MB21D2: variants seen among roughly 807,000 people sequenced by gnomAD.
MB21D2 encodes nucleotidyltransferase MB21D2.
Under a neutral mutation model 33.3 loss-of-function variants are expected in MB21D2, and 9 were observed. The observed-to-expected ratio is 0.27, with a 90% CI of 0.16 to 0.47. The LOEUF is 0.47. Ranked by LOEUF, MB21D2 falls within the 20% of genes least tolerant of loss-of-function variation. The probability of loss-of-function intolerance (pLI) is 0.99; values close to 1 mark genes in which losing one functional copy is unlikely to be tolerated. For synonymous variants in MB21D2, 241 were observed against 236.3 expected (o/e 1.02, Z -0.18); for missense variants, 540 against 624.6 (o/e 0.86, Z 1.44).
chr3:192,901,526 G>A (rs868828085), intron 1 of MB21D2, among the ~76,000 whole-genome samples: 77 of 146,740 alleles, frequency 5.2e-4, no homozygotes, highest in African/African-American at 1.9e-3. Context: ...TGAGCACCAG[G>A]ATCTCAAGCA....
intron 1 of MB21D2, among the ~76,000 whole-genome samples, chr3:192,838,600 T>G (rs1443831093): frequency 1.3e-5 from 2 of 152,046 alleles, no homozygotes; most frequent in Non-Finnish European, 2.9e-5. Context: ...AGCTACTTTT[T>G]TGTATTTTTA....
intron 1 of MB21D2, among the ~76,000 whole-genome samples, chr3:192,850,938 G>A (rs1256196689): frequency 6.6e-6 from 1 of 152,154 alleles, no homozygotes; most frequent in Non-Finnish European, 1.5e-5. Context: ...GAAGAGTAAG[G>A]TTAAGAGCAC....
chr3:192,833,639 A>C (rs1164487855), intron 1 of MB21D2, among the ~76,000 whole-genome samples: 2 of 152,192 alleles, frequency 1.3e-5, no homozygotes, highest in African/African-American at 4.8e-5. Flanking sequence ...AGCCTTACAG[A>C]GCAAGGAGAC....
At chr3:192,902,657 C>T (rs1714127305) in intron 1 of MB21D2, among the ~76,000 whole-genome samples, 1 of 152,160 alleles carries the variant, frequency 6.6e-6, no homozygotes, top group African/African-American at 2.4e-5. Flanking sequence ...CAGAAAGATT[C>T]CCACTAGCTT....
intron 1 of MB21D2, among the ~76,000 whole-genome samples, chr3:192,831,659 G>T (rs961255963): frequency 6.6e-6 from 1 of 152,070 alleles, no homozygotes; most frequent in African/African-American, 2.4e-5. Flanking sequence ...CTAGAATAGT[G>T]AAAAATATTC....
rs1487177182 is a variant in MB21D2 at position 192,799,650 on chromosome 3, C to A, written c.212G>T (p.Gly71Val). ...CTTTTGGTCCAGCTTTTGCACCATTCCTGGAAATAAAGAAGAAAAAAACAA... is the reference window on the plus strand; with the variant it reads ...CTTTTGGTCCAGCTTTTGCACCATTACTGGAAATAAAGAAGAAAAAAACAA... The part of the protein sequence containing the change: ...TAKDFIFSML[G>V]MVQKLDQKLP... Residue 71 changes from glycine (G) to valine (V), a missense_variant and splice_region_variant, in exon 2 of 2, where the codon GGA (glycine) becomes GTA (valine). Transcript: ENST00000392452. This position sits in a 1 kb window ranked among gnomAD's most constrained non-coding sequence, Gnocchi z 4.1. 6.2e-7 allele frequency: 1 copy of A among 1,608,788 alleles called. No homozygotes were observed. Among genetic ancestry groups the A allele is most frequent in the South Asian group, 1.1e-5 (1 of 90,504 alleles).
chr3:192,897,545 C>T (rs1714005682), intron 1 of MB21D2, among the ~76,000 whole-genome samples: 2 of 152,226 alleles, frequency 1.3e-5, no homozygotes, highest in African/African-American at 4.8e-5. Flanking sequence ...TAGGAAATCA[C>T]GTCTAGTTCT....
At chr3:192,875,017 A>AT (rs1235880501) in intron 1 of MB21D2, among the ~76,000 whole-genome samples, 5 of 150,640 alleles carry the variant, frequency 3.3e-5, no homozygotes, top group African/African-American at 1.2e-4. Context: ...GTCCCTATTA[A>AT]AAAAAAAACA....
At chr3:192,896,879 A>T (rs73066221) in intron 1 of MB21D2, among the ~76,000 whole-genome samples, 6,683 of 152,248 alleles carry the variant, frequency 0.044, 429 homozygotes, top group African/African-American at 0.14. Flanking sequence ...TAGGAGGAGC[A>T]AAGAGCATGG....
chr3:192,893,535 G>A (rs1713899828), intron 1 of MB21D2, among the ~76,000 whole-genome samples: 1 of 152,150 alleles, frequency 6.6e-6, no homozygotes, highest in African/African-American at 2.4e-5. Context: ...GACAGAAGAA[G>A]GCTGCCAACA....
At chr3:192,806,202 CT>C in intron 1 of MB21D2, among the ~76,000 whole-genome samples, 1 of 152,184 alleles carries the variant, frequency 6.6e-6, no homozygotes, top group Non-Finnish European at 1.5e-5. Context: ...TAAATTAGCA[CT>C]TTCGACATCT....
chr3:192,879,413 CCACGGG>C (rs1467998997), intron 1 of MB21D2, among the ~76,000 whole-genome samples: 2 of 152,266 alleles, frequency 1.3e-5, no homozygotes, highest in Non-Finnish European at 2.9e-5. Flanking sequence ...CCAGCATTAA[CCACGGG>C]CACAAAGCAT....
At chr3:192,824,491 G>C (rs1486612961) in intron 1 of MB21D2, among the ~76,000 whole-genome samples, 1 of 104,312 alleles carries the variant, frequency 9.6e-6, no homozygotes, top group Non-Finnish European at 1.8e-5. Flanking sequence ...TCTGATTTCT[G>C]AAAATAAATA....
At position 192,879,033 on chromosome 3, in the gene MB21D2, C is replaced by CA. The variant is rs1560248098; in HGVS notation, c.211+38596dup. Among the ~76,000 whole-genome samples the CA allele has an allele frequency of 1.3e-5, 2 of 152,068 alleles. 1 individual carries two copies. Among genetic ancestry groups the CA allele is most frequent in the Admixed American group, 1.3e-4 (2 of 15,256 alleles). On this transcript the variant is annotated intron_variant, in intron 1 of 1. Coordinates refer to ENST00000392452, the MANE Select transcript of MB21D2 (RefSeq NM_178496.4). ...ATTCTAAAGGAGCCCCCACCCTCCT[C>CA]AAAAAGAAAAAGACAGCAAGAGGTG... is the stretch of plus-strand genomic sequence containing the variant.
chr3:192,916,586 C>T (rs887542173), intron 1 of MB21D2, among the ~76,000 whole-genome samples: 3 of 152,222 alleles, frequency 2.0e-5, no homozygotes, highest in Non-Finnish European at 4.4e-5. Flanking sequence ...GGCCACGCAC[C>T]GCTTGACAGC....
At chr3:192,904,547 C>T (rs1010466760) in intron 1 of MB21D2, among the ~76,000 whole-genome samples, 7 of 152,180 alleles carry the variant, frequency 4.6e-5, no homozygotes, top group African/African-American at 1.7e-4. Context: ...AAAGTGCGGT[C>T]CCTCAACCAG....
At chr3:192,878,103 G>GTTTTTTTTTTTTTTTTTTT (rs1296544101) in intron 1 of MB21D2, among the ~76,000 whole-genome samples, 1 of 134,220 alleles carries the variant, frequency 7.5e-6, no homozygotes, top group Non-Finnish European at 1.6e-5. Flanking sequence ...TTTTTTTTTG[G>GTTTTTTTTTTTTTTTTTTT]TTTTTTTTGT....
At chr3:192,859,247 G>C (rs1241466737) in intron 1 of MB21D2, among the ~76,000 whole-genome samples, 1 of 152,186 alleles carries the variant, frequency 6.6e-6, no homozygotes, top group African/African-American at 2.4e-5. Context: ...AATGTATTAA[G>C]TACCATGAGG....
chr3:192,889,478 T>G (rs892929249), intron 1 of MB21D2, among the ~76,000 whole-genome samples: 1 of 152,088 alleles, frequency 6.6e-6, no homozygotes, highest in African/African-American at 2.4e-5. Context: ...TTTTACTTGA[T>G]AGTGTTATTC....
Sources: allele counts gnomAD v4.1 joint callset (sites outside exome capture counted in the v4.1 genomes callset), GRCh38; gene constraint gnomAD v4.1.1; non-coding constraint Gnocchi (gnomAD v3.1); transcripts MANE v1.5; gene names NCBI Gene and HGNC (gene_info 2026-07-23, HGNC 2026-07-21).